SNAPC3: variants seen among roughly 807,000 people sequenced by gnomAD.
SNAPC3 encodes the protein snRNA-activating protein complex subunit 3.
A neutral mutation model predicts 47.7 loss-of-function variants in SNAPC3; 56 were observed. The observed-to-expected ratio is 1.18, with a 90% CI of 0.95 to 1.47. The LOEUF (loss-of-function observed/expected upper bound fraction) is 1.47. SNAPC3 is among the 40% of genes most tolerant of loss of function. The probability of loss-of-function intolerance (pLI) is 0.00; values close to 1 mark genes in which losing one functional copy is unlikely to be tolerated. For synonymous variants in SNAPC3, 235 were observed against 189.9 expected, an observed-to-expected ratio of 1.24 and a Z score of -1.95; for missense variants, 665 against 511.3, an observed-to-expected ratio of 1.30 and a Z score of -2.90.
chr9:15,429,739 T>G (rs2031896808), intron 2 of SNAPC3, among the ~76,000 whole-genome samples: 1 of 152,088 alleles, frequency 6.6e-6, no homozygotes, highest in Non-Finnish European at 1.5e-5. Flanking sequence ...ATACAAATAA[T>G]TAGAAAATAT....
At chr9:15,435,865 CAG>C (rs1182294377) in intron 3 of SNAPC3, among the ~76,000 whole-genome samples, 2 of 52,304 alleles carry the variant, frequency 3.8e-5, no homozygotes, top group Non-Finnish European at 7.9e-5. Context: ...TTTTTTGAGA[CAG>C]AGTTTTGCTC....
intron 3 of SNAPC3, 97 bp from the exon 4 acceptor site, chr9:15,444,505 G>A: frequency 1.4e-6 from 1 of 714,132 alleles, no homozygotes; most frequent in South Asian, 1.7e-5. Context: ...CAAACCCAAG[G>A]CTGCTTGACT....
At chr9:15,444,796 A>G (rs541082400) in intron 4 of SNAPC3, 90 bp downstream of exon 4, 8 of 696,534 alleles carry the variant, frequency 1.1e-5, no homozygotes, top group African/African-American at 7.3e-5. Context: ...CTATGCTTAC[A>G]TTAAAAATAA....
downstream of SNAPC3, chr9:15,462,848 T>C (rs889337104): frequency 3.3e-5 from 5 of 152,112 alleles, no homozygotes; most frequent in African/African-American, 1.2e-4. Flanking sequence ...ATGATACAGG[T>C]TTGCTATTTC....
At chr9:15,424,327 C>G (rs1174205191) in intron 2 of SNAPC3, among the ~76,000 whole-genome samples, 1 of 152,158 alleles carries the variant, frequency 6.6e-6, no homozygotes. Flanking sequence ...AGTCCATATT[C>G]AAACTTGTGT....
chr9:15,447,281 ACAAG>A (rs1257656749), intron 5 of SNAPC3, 37 bp downstream of exon 5: 3 of 1,596,610 alleles, frequency 1.9e-6, no homozygotes, highest in Non-Finnish European at 2.6e-6. Context: ...AAAGGAAATA[ACAAG>A]CTAAGAAAAT....
chr9:15,459,732 A>C lies in SNAPC3; in HGVS notation c.1102A>C (p.Asn368His), dbSNP rs146354816. The C allele has an allele frequency of 1.6e-4, 263 of 1,613,222 alleles. No individual in the cohort carries two copies. In the African/African-American group the frequency reaches 3.0e-3, roughly 18 times the overall value. Residue 368 changes from asparagine to histidine, a missense_variant, in exon 9 of 9, where the codon AAT (asparagine) becomes CAT (histidine). Transcript: ENST00000380821. ...KMYTARWVTN[N>H]DSFAPEDPCF... ...TAAAAACTACAGATGGGTGACGAACAATGACAGTTTTGCACCAGAGGACCC... is the reference window on the plus strand; with the variant it reads ...TAAAAACTACAGATGGGTGACGAACCATGACAGTTTTGCACCAGAGGACCC...
At chr9:15,447,010 A>G (rs763060864) in intron 4 of SNAPC3, 85 bp from the exon 5 acceptor site, 49 of 1,149,564 alleles carry the variant, frequency 4.3e-5, no homozygotes, top group Non-Finnish European at 5.6e-5. Flanking sequence ...AAAACCAGCA[A>G]TTTAATTTTG....
chr9:15,464,739 A>G (rs1202117423), downstream of SNAPC3: 2 of 204,116 alleles, frequency 9.8e-6, no homozygotes, highest in Non-Finnish European at 2.0e-5. Context: ...GTGCCTGCCT[A>G]TAAAAGGACC....
chr9:15,425,502 G>A (rs1307334650), intron 2 of SNAPC3, among the ~76,000 whole-genome samples: 1 of 152,164 alleles, frequency 6.6e-6, no homozygotes, highest in Non-Finnish European at 1.5e-5. Context: ...ACATGCGTGA[G>A]CCGCCACACC....
At chr9:15,465,427 A>G (rs2035550646), downstream of SNAPC3, 2 of 1,145,282 alleles carry the variant, frequency 1.7e-6, no homozygotes, top group South Asian at 1.4e-5. Context: ...CATCAAACCT[A>G]TGCTTATAAA....
At chr9:15,457,802 T>C (rs1388250292) in intron 7 of SNAPC3, among the ~76,000 whole-genome samples, 158 bp from the exon 8 acceptor site, 1 of 152,188 alleles carries the variant, frequency 6.6e-6, no homozygotes, top group Non-Finnish European at 1.5e-5. Context: ...CAGAATTTGG[T>C]GAAACATGGC....
At chr9:15,457,122 T>TA (rs1189260867) in intron 7 of SNAPC3, among the ~76,000 whole-genome samples, 1 of 152,118 alleles carries the variant, frequency 6.6e-6, no homozygotes, top group Non-Finnish European at 1.5e-5. Flanking sequence ...TGAAACTTCT[T>TA]AAAGGTTTCA....
At position 15,422,927 on chromosome 9, in the gene SNAPC3, C is replaced by T. The variant is rs1304390748; in HGVS notation, c.48C>T (p.Gly16=). Residue 16 remains glycine, a synonymous_variant, in exon 1 of 9, where the codon GGC becomes GGT. Coordinates refer to ENST00000380821, the MANE Select transcript of SNAPC3 (RefSeq NM_001039697.2). ...RGGPTCSGVG[G]RQDPVSGSGG... is the part of the protein sequence containing the mutation. ...GCCCTACGTGTAGCGGGGTGGGTGG[C>T]AGGCAGGACCCAGTCTCCGGCAGTG... 61 of 1,535,394 alleles carry T rather than the reference C, an allele frequency of 4.0e-5. No individual in the cohort carries two copies. Among genetic ancestry groups the T allele is most frequent in the Non-Finnish European group, 5.2e-5 (59 of 1,143,128 alleles).
chr9:15,440,597 A>G (rs1419642752), intron 3 of SNAPC3, among the ~76,000 whole-genome samples: 1 of 152,202 alleles, frequency 6.6e-6, no homozygotes, highest in Non-Finnish European at 1.5e-5. Context: ...AGGTTGAGGC[A>G]GAAGGAGCAC....
At position 15,447,120 on chromosome 9, in the gene SNAPC3, C is replaced by G; in HGVS notation, c.608C>G (p.Thr203Arg). The part of the protein sequence containing the change: ...HKHKEHKPYQ[T>R]MLVLGSQKLT... ...CACAAAGAACACAAACCATACCAAA[C>G]AATGCTGGTGTTGGGCAGTCAAAAA... is the stretch of plus-strand genomic sequence containing the variant. Residue 203 changes from threonine to arginine, a missense_variant, in exon 5 of 9, where the codon ACA (threonine) becomes AGA (arginine). Thr to Arg is a moderately conservative substitution (Grantham distance 71). Coordinates refer to ENST00000380821, the MANE Select transcript of SNAPC3 (RefSeq NM_001039697.2). The G allele has an allele frequency of 6.2e-7, 1 of 1,614,020 alleles. No homozygotes were observed. Among genetic ancestry groups the G allele is most frequent in the Non-Finnish European group, 8.5e-7 (1 of 1,179,926 alleles).
At chr9:15,455,928 G>A (rs1476638025) in intron 7 of SNAPC3, among the ~76,000 whole-genome samples, 1 of 152,104 alleles carries the variant, frequency 6.6e-6, no homozygotes, top group Non-Finnish European at 1.5e-5. Context: ...CAGCTGGAGT[G>A]CAGTGGCGTG....
At chr9:15,440,453 C>T (rs569929932) in intron 3 of SNAPC3, among the ~76,000 whole-genome samples, 2 of 152,162 alleles carry the variant, frequency 1.3e-5, no homozygotes, top group South Asian at 4.1e-4. Flanking sequence ...TTGCCAAATA[C>T]AGAATTCTTG....
chr9:15,455,103 T>C (rs1007843718), intron 7 of SNAPC3, among the ~76,000 whole-genome samples: 1 of 152,194 alleles, frequency 6.6e-6, no homozygotes, highest in African/African-American at 2.4e-5. Flanking sequence ...ATGGTAGTTC[T>C]GTGGTGAGAA....
Sources: gnomAD v4.1 joint callset for allele counts (sites outside exome capture counted in the v4.1 genomes callset) on GRCh38, gnomAD v4.1.1 for gene constraint, MANE v1.5 for transcripts, NCBI Gene and HGNC (gene_info 2026-07-23, HGNC 2026-07-21) for gene names.